The following MYO15B variants were observed in gnomAD, a reference collection of about 807,000 sequenced individuals.
MYO15B encodes the protein myosin XVB pseudogene.
In MYO15B, 207 loss-of-function variants were observed where a neutral mutation model predicts 119.3. The ratio of observed to expected loss-of-function variants is 1.73; its 90% confidence interval spans 1.55 to 1.95. MYO15B has a LOEUF of 1.95. Ranked by LOEUF, MYO15B falls within the 30% of genes most tolerant of loss-of-function variation. MYO15B has a pLI of 0.00. For synonymous variants in MYO15B, 966 were observed against 498.9 expected (o/e 1.94, Z -12.48); for missense variants, 2,264 against 1,203.1 (o/e 1.88, Z -13.04).
intron 47 of MYO15B, 32 bp from the exon 48 acceptor site, chr17:75,620,214 G>C: frequency 1.4e-6 from 1 of 702,270 alleles, no homozygotes; most frequent in Non-Finnish European, 2.6e-6. Flanking sequence ...AGGCAGACTT[G>C]CTGCTCCAGG....
chr17:75,618,263 C>T lies in MYO15B; in HGVS notation c.6987+78C>T, dbSNP rs2058498131. On this transcript the variant is annotated intron_variant, in intron 43 of 63. Transcript: ENST00000645453. ...CGTGCCCTTTGTCTAATGGCTGGGC[C>T]AGGTTAACACCACGTAGGGCATGTT... is the stretch of plus-strand genomic sequence containing the variant. 3 of 694,620 alleles carry T rather than the reference C, an allele frequency of 4.3e-6. No homozygotes were observed. The South Asian group carries it at 4.5e-5, about 10-fold the overall frequency. 43.0% of individuals were successfully genotyped at this position (694,620 alleles called of 1,614,324 possible).
At chr17:75,614,650 C>T in exon 31 of MYO15B, 1 of 701,030 alleles carries the variant, frequency 1.4e-6, no homozygotes, top group Non-Finnish European at 2.6e-6. Flanking sequence ...CCCTCCAGGT[C>T]CAGCCCCAAC....
intron 19 of MYO15B, among the ~76,000 whole-genome samples, chr17:75,603,544 C>G (rs1047386240): frequency 3.9e-5 from 6 of 152,264 alleles, no homozygotes; most frequent in Admixed American, 1.3e-4. Flanking sequence ...TTCTTCTCCT[C>G]TCTGCAAACC....
In MYO15B at chr17:75,602,487, T is replaced by G. The variant is rs1283170251; in HGVS notation, c.3652-30T>G. 15 of 702,848 alleles carry G rather than the reference T, an allele frequency of 2.1e-5. No individual in the cohort carries two copies. The East Asian group carries it at 4.0e-4, about 19-fold the overall frequency. 43.5% of individuals were successfully genotyped at this position (702,848 alleles called of 1,614,324 possible). ...TTCCTGTTCTCCTCCCTTTCTCCAC[T>G]TCCCTCCCCACCTGCATGGTCTCTT... is the stretch of plus-strand genomic sequence containing the variant. On this transcript the variant is annotated intron_variant, in intron 15 of 63. Coordinates refer to ENST00000645453, the Ensembl canonical transcript of MYO15B.
exon 21 of MYO15B, chr17:75,606,010 G>A (rs1430334935): frequency 1.4e-6 from 1 of 697,032 alleles, no homozygotes; most frequent in Non-Finnish European, 2.6e-6. Flanking sequence ...GCATGCGTGG[G>A]TTCCAGGCCA....
rs777466562 is a variant in MYO15B, at chr17:75,603,321, C to T, written c.4016+9C>T. 5 of 702,916 alleles carry T rather than the reference C, an allele frequency of 7.1e-6. No individual in the cohort carries two copies. In the South Asian group the frequency reaches 7.4e-5, roughly 10 times the overall value. 43.5% of individuals were successfully genotyped at this position (702,916 alleles called of 1,614,324 possible). On this transcript the variant is annotated intron_variant, in intron 19 of 63. Coordinates refer to ENST00000645453, the Ensembl canonical transcript of MYO15B. ...GAGGCCTTCCTGGCCAGGTGGGGCC[C>T]AGCACCTCGGGGCAGGACTGACAAG...
At chr17:75,614,001 G>A (rs1012734515) in intron 29 of MYO15B, 198 bp from the exon 30 acceptor site, 8 of 599,634 alleles carry the variant, frequency 1.3e-5, no homozygotes, top group African/African-American at 5.6e-5. Flanking sequence ...AAATGCCCAT[G>A]CTGGAGCCCT....
intron 8 of MYO15B, 57 bp from the exon 9 acceptor site, chr17:75,592,622 T>C: frequency 1.5e-6 from 1 of 653,012 alleles, no homozygotes; most frequent in Non-Finnish European, 2.8e-6. Flanking sequence ...GTAGCCGGAG[T>C]AGAGGGAGGC....
At chr17:75,591,401 C>T in intron 4 of MYO15B, 155 bp downstream of exon 4, 1 of 619,542 alleles carries the variant, frequency 1.6e-6, no homozygotes, top group African/African-American at 1.8e-5. Flanking sequence ...GAAATCATCA[C>T]ATGAGCCCCT....
intron 20 of MYO15B, 57 bp from the exon 21 acceptor site, chr17:75,605,807 G>C: frequency 1.5e-6 from 1 of 649,030 alleles, no homozygotes; most frequent in South Asian, 1.7e-5. Context: ...ACCAGAGGAG[G>C]AGAGCAGGAG....
intron 19 of MYO15B, among the ~76,000 whole-genome samples, chr17:75,605,121 G>A (rs1176088066): frequency 6.7e-6 from 1 of 148,286 alleles, no homozygotes; most frequent in Non-Finnish European, 1.5e-5. Context: ...TGGACAATGA[G>A]AATGAAACTC....
At position 75,589,166 on chromosome 17, in the gene MYO15B, T is replaced by C; in HGVS notation, c.1109T>C (p.Val370Ala). 1 of 393,140 alleles carries C rather than the reference T, an allele frequency of 2.5e-6. No homozygotes were observed. 24.4% of individuals were successfully genotyped at this position (393,140 alleles called of 1,614,324 possible). Residue 370 changes from valine to alanine, a missense_variant, in exon 1 of 64, where the codon GTA becomes GCA. Coordinates refer to ENST00000645453, the Ensembl canonical transcript of MYO15B. The surrounding 1 kb of genome is among the most constrained non-coding windows in gnomAD (Gnocchi z 4.2). ...GGCCTCAAGGAGCGGCTCCTGAGTG[T>C]AGCGCGAGCCCTGGGCCTCCTGCGC...
exon 10 of MYO15B, chr17:75,594,514 G>A: frequency 1.6e-6 from 1 of 619,450 alleles, no homozygotes; most frequent in African/African-American, 1.8e-5. Context: ...TAGCTGGGCT[G>A]AGATCCACAC....
rs1215588921 is a variant in MYO15B at position 75,589,909 on chromosome 17, A to G, written c.1852A>G (p.Ser618Gly). The change falls in exon 1 of 64, where the codon AGC (serine) becomes GGC (glycine). Residue 618 changes from serine to glycine, a missense_variant. Physicochemically the swap from Ser to Gly is moderately conservative, Grantham distance 56. Transcript: ENST00000645453. The surrounding 1 kb of genome is among the most constrained non-coding windows in gnomAD (Gnocchi z 4.2). ...ACCCGACGGGCCTTCCCTCGACGAGAGCGGCTCCAGCAGTGAGGCGGAGTT... is the reference window on the plus strand; with the variant it reads ...ACCCGACGGGCCTTCCCTCGACGAGGGCGGCTCCAGCAGTGAGGCGGAGTT... 2 of 398,586 alleles carry G rather than the reference A, an allele frequency of 5.0e-6. No individual in the cohort carries two copies. The highest frequency in any genetic ancestry group is 3.6e-5 in the East Asian group (1 of 28,066). The allele number at this position is 398,586 out of a possible 1,614,324, so 24.7% of individuals were successfully genotyped here.
Position 75,624,152 on chromosome 17 carries a change from ACCC to A in MYO15B, c.8273-21_8273-19del. 1.4e-6 allele frequency: 1 copy of A among 702,736 alleles called. No individual in the cohort carries two copies. The highest frequency in any genetic ancestry group is 2.6e-6 in the Non-Finnish European group (1 of 384,850). 43.5% of individuals were successfully genotyped at this position (702,736 alleles called of 1,614,324 possible). ...CTTGGGGAGACATGGCCATCTCATAACCCCAGGCTGGCTTCTCTGCAGAGCTGG... is the reference window on the plus strand; with the variant it reads ...CTTGGGGAGACATGGCCATCTCATAACAGGCTGGCTTCTCTGCAGAGCTGG... On this transcript the variant is annotated intron_variant, in intron 55 of 63. Transcript: ENST00000645453.
At chr17:75,620,271 G>A (rs933112543) in exon 48 of MYO15B, 12 of 702,858 alleles carry the variant, frequency 1.7e-5, no homozygotes, top group African/African-American at 1.2e-4. Context: ...ATCGCCCTGC[G>A]CAGCTACATC....
intron 43 of MYO15B, among the ~76,000 whole-genome samples, chr17:75,618,425 CA>C (rs2058507326): frequency 6.6e-6 from 1 of 152,166 alleles, no homozygotes; most frequent in South Asian, 2.1e-4. Context: ...GAGGCCAAGG[CA>C]GGTGGATCAT....
rs914757264 is a variant in MYO15B, at chr17:75,610,880, T to C, written c.4387-20T>C. ...GACTCACATGGGAGGCATCAGCTCT[T>C]CCCACATCTCTTCCAACAGCTTGGG... On this transcript the variant is annotated intron_variant, in intron 22 of 63. Coordinates refer to ENST00000645453, the Ensembl canonical transcript of MYO15B. The C allele has an allele frequency of 2.8e-6, 2 of 702,744 alleles. No homozygotes were observed. Among genetic ancestry groups the C allele is most frequent in the African/African-American group, 3.5e-5 (2 of 57,244 alleles). 43.5% of individuals were successfully genotyped at this position (702,744 alleles called of 1,614,324 possible).
Position 75,612,911 on chromosome 17 carries a change from G to A in MYO15B, c.4731+18G>A, listed in dbSNP as rs1230258669. ...ACAAAGTGGTGAGTGACACATTGGA[G>A]AAGGGACAGGATAGGCGCCTGGGAG... On this transcript the variant is annotated intron_variant, in intron 26 of 63. Transcript: ENST00000645453. 2 of 699,760 alleles carry A rather than the reference G, an allele frequency of 2.9e-6. No individual in the cohort carries two copies. Among genetic ancestry groups the A allele is most frequent in the Non-Finnish European group, 5.2e-6 (2 of 383,156 alleles). 43.3% of individuals were successfully genotyped at this position (699,760 alleles called of 1,614,324 possible).
Sources: allele counts gnomAD v4.1 joint callset (sites outside exome capture counted in the v4.1 genomes callset), GRCh38; gene constraint gnomAD v4.1.1; non-coding constraint Gnocchi (gnomAD v3.1); transcripts MANE v1.5; gene names NCBI Gene and HGNC (gene_info 2026-07-23, HGNC 2026-07-21).